The following STRA8 variants were observed in gnomAD, a reference collection of about 807,000 sequenced individuals.
STRA8 encodes stimulated by retinoic acid 8, also known as stimulated by retinoic acid gene 8 protein homolog.
Under a neutral mutation model 37.1 loss-of-function variants are expected in STRA8, and 18 were observed. That is an observed-to-expected ratio of 0.48 (90% CI 0.34 to 0.72). The LOEUF is 0.72. STRA8 is among the 30% of genes least tolerant of loss of function. The probability of loss-of-function intolerance (pLI) is 0.01; values close to 1 mark genes in which losing one functional copy is unlikely to be tolerated. For synonymous variants in STRA8, 168 were observed against 162.9 expected, an observed-to-expected ratio of 1.03 and a Z score of -0.24; for missense variants, 357 against 410.4, an observed-to-expected ratio of 0.87 and a Z score of 1.13.
At chr7:135,232,051 C>G, upstream of STRA8, 1 of 1,589,400 alleles carries the variant, frequency 6.3e-7, no homozygotes, top group Non-Finnish European at 8.6e-7. Context: ...AAATAAGCTT[C>G]TTAGTAACTT....
Position 135,240,583 on chromosome 7 carries a change from C to T in STRA8, c.59C>T (p.Ala20Val), listed in dbSNP as rs772260341. 117 of 1,614,096 alleles carry T rather than the reference C, an allele frequency of 7.2e-5. No individual in the cohort carries two copies. The highest frequency in any genetic ancestry group is 9.4e-5 in the Non-Finnish European group (111 of 1,180,044). Residue 20 changes from alanine to valine, a missense_variant, in exon 2 of 9, where the codon GCA (alanine) becomes GTA (valine). Ala to Val is a moderately conservative substitution (Grantham distance 64). Transcript: ENST00000662584. ...PHDRATPQLPAQLQELEHRVA... is the reference protein window; with the variant it reads ...PHDRATPQLPVQLQELEHRVA... ...GACAGAGCAACACCCCAGCTGCCAG[C>T]ACAGCTGCAGGAGCTTGAGCATCGG... is the stretch of plus-strand genomic sequence containing the variant.
At chr7:135,232,505 TG>T (rs1221157148), upstream of STRA8, among the ~76,000 whole-genome samples, 1 of 151,860 alleles carries the variant, frequency 6.6e-6, no homozygotes, top group African/African-American at 2.4e-5. Flanking sequence ...TAGCATGGTG[TG>T]GTGGTGCGGG....
chr7:135,235,281 G>A (rs936605632), intron 1 of STRA8, among the ~76,000 whole-genome samples: 2 of 152,144 alleles, frequency 1.3e-5, no homozygotes. Context: ...TTTGCACAGA[G>A]AGAGTGTTCA....
chr7:135,257,113 A>G (rs1248017419), intron 8 of STRA8, among the ~76,000 whole-genome samples: 2 of 152,130 alleles, frequency 1.3e-5, no homozygotes, highest in Non-Finnish European at 2.9e-5. Flanking sequence ...GAGCATGGTG[A>G]ATGGGAACTG....
In STRA8 at chr7:135,254,365, C is replaced by T. The variant is rs148504200; in HGVS notation, c.954-749C>T. On this transcript the variant is annotated intron_variant, in intron 7 of 8. Transcript: ENST00000662584. Reference sequence around the variant, plus strand: ...GGAGGAAGTGAGGGCTGCCTGCTGACTCACAGTGAGTGAGTGCCAGCTGTC... The same window carrying T: ...GGAGGAAGTGAGGGCTGCCTGCTGATTCACAGTGAGTGAGTGCCAGCTGTC... 4.7e-4 allele frequency among the ~76,000 whole-genome samples: 71 copies of T among 152,356 alleles called. 1 individual carries two copies. In the East Asian group the frequency reaches 0.011, roughly 24 times the overall value.
At chr7:135,236,254 T>TTATA (rs1554406105) in intron 1 of STRA8, among the ~76,000 whole-genome samples, 90 of 104,874 alleles carry the variant, frequency 8.6e-4, no homozygotes, top group Non-Finnish European at 1.3e-3. Context: ...GACCCCATCT[T>TTATA]TATATATATA....
upstream of STRA8, chr7:135,232,114 GT>G: frequency 1.5e-6 from 2 of 1,344,378 alleles, no homozygotes; most frequent in Admixed American, 1.7e-5. Flanking sequence ...GTGTGTGGCA[GT>G]GGTTGGGGCG....
intron 6 of STRA8, among the ~76,000 whole-genome samples, chr7:135,247,943 T>C: frequency 6.6e-6 from 1 of 152,258 alleles, no homozygotes; most frequent in East Asian, 1.9e-4. Flanking sequence ...ATTCGCATTC[T>C]GCACATGCCC....
rs1167414523 is a variant in STRA8 at position 135,240,699 on chromosome 7, G to C, written c.175G>C (p.Asp59His). ...CAGGAAGACAGTGTACTCTCAGTCT[G>C]ATCTCATAGCCTCAAAGGTATGGGG... ...NLRKTVYSQS[D>H]LIASKWQVLN... The change falls in exon 2 of 9, where the codon GAT becomes CAT. Residue 59 changes from aspartate to histidine, a missense_variant. Asp to His is a moderately conservative substitution (Grantham distance 81). Coordinates refer to ENST00000662584, the MANE Select transcript of STRA8 (RefSeq NM_001394401.1). 1 of 1,614,058 alleles carries C rather than the reference G, an allele frequency of 6.2e-7. No individual in the cohort carries two copies. The highest frequency in any genetic ancestry group is 1.3e-5 in the African/African-American group (1 of 75,014).
chr7:135,248,539 CT>C (rs1411048638), intron 6 of STRA8, among the ~76,000 whole-genome samples: 1 of 152,096 alleles, frequency 6.6e-6, no homozygotes, highest in African/African-American at 2.4e-5. Context: ...GAGACTGCGT[CT>C]CTACTAAAAA....
chr7:135,256,819 C>G (rs1832709684), intron 8 of STRA8, among the ~76,000 whole-genome samples: 1 of 152,128 alleles, frequency 6.6e-6, no homozygotes, highest in African/African-American at 2.4e-5. Context: ...ACAACAACAA[C>G]AGAACAAAGC....
At chr7:135,241,952 T>C (rs1364010449) in intron 2 of STRA8, among the ~76,000 whole-genome samples, 2 of 152,006 alleles carry the variant, frequency 1.3e-5, no homozygotes, top group Admixed American at 6.6e-5. Flanking sequence ...AATCTTGCTG[T>C]TACCATTTTA....
intron 8 of STRA8, among the ~76,000 whole-genome samples, chr7:135,257,916 TA>T (rs1301842711): frequency 6.6e-6 from 1 of 152,246 alleles, no homozygotes; most frequent in Admixed American, 6.5e-5. Flanking sequence ...AAAGATATTC[TA>T]CAGATATTAT....
chr7:135,233,779 C>T (rs1051129712), upstream of STRA8, among the ~76,000 whole-genome samples: 1 of 152,210 alleles, frequency 6.6e-6, no homozygotes, highest in Admixed American at 6.5e-5. Context: ...CGATTGGTCC[C>T]CACCCCTGTA....
Position 135,240,706 on chromosome 7 carries a change from T to G in STRA8, c.182T>G (p.Ile61Arg). ...RKTVYSQSDL[I>R]ASKWQVLNKA... ...ACAGTGTACTCTCAGTCTGATCTCA[T>G]AGCCTCAAAGGTATGGGGACCTGGA... is the stretch of plus-strand genomic sequence containing the variant. Residue 61 changes from isoleucine (I) to arginine (R), a missense_variant, in exon 2 of 9, where the codon ATA becomes AGA. Coordinates refer to ENST00000662584, the MANE Select transcript of STRA8 (RefSeq NM_001394401.1). The G allele has an allele frequency of 6.2e-7, 1 of 1,613,888 alleles. No homozygotes were observed. Among genetic ancestry groups the G allele is most frequent in the Non-Finnish European group, 8.5e-7 (1 of 1,179,954 alleles).
At chr7:135,243,505 G>C in intron 4 of STRA8, 95 bp downstream of exon 4, 1 of 1,128,892 alleles carries the variant, frequency 8.9e-7, no homozygotes, top group Non-Finnish European at 1.3e-6. Flanking sequence ...TCTCCAGCCT[G>C]CAGGACCATC....
At chr7:135,240,739 A>G (rs766096906) in intron 2 of STRA8, 23 bp downstream of exon 2, 4 of 1,611,942 alleles carry the variant, frequency 2.5e-6, no homozygotes, top group Non-Finnish European at 1.7e-6. Flanking sequence ...GGAGGAGGAG[A>G]GGGGACATCT....
chr7:135,257,646 C>T (rs1309016910), intron 8 of STRA8, among the ~76,000 whole-genome samples: 2 of 152,120 alleles, frequency 1.3e-5, no homozygotes, highest in African/African-American at 2.4e-5. Flanking sequence ...AGGCTGGTCT[C>T]GAACTCCTAA....
chr7:135,244,216 G>T (rs1832511770), intron 4 of STRA8, among the ~76,000 whole-genome samples: 1 of 152,102 alleles, frequency 6.6e-6, no homozygotes, highest in African/African-American at 2.4e-5. Context: ...CTGCCACCAC[G>T]CCTGGCTAGT....
Sources: gnomAD v4.1 joint callset for allele counts (sites outside exome capture counted in the v4.1 genomes callset) on GRCh38, gnomAD v4.1.1 for gene constraint, MANE v1.5 for transcripts, NCBI Gene and HGNC (gene_info 2026-07-23, HGNC 2026-07-21) for gene names.